The following SLC25A37 variants were observed in gnomAD, a reference collection of about 807,000 sequenced individuals.
The protein encoded by SLC25A37 is mitoferrin-1.
In SLC25A37, 17 loss-of-function variants were observed where a neutral mutation model predicts 31.0. That is an observed-to-expected ratio of 0.55 (90% confidence interval 0.38 to 0.82). The LOEUF is 0.82. Ranked by LOEUF, SLC25A37 falls within the 40% of genes least tolerant of loss-of-function variation. SLC25A37 has a pLI of 0.00. For missense variants in SLC25A37, 404 were observed against 465.8 expected (o/e 0.87, Z 1.22); for synonymous variants, 222 against 193.0 (o/e 1.15, Z -1.24).
Position 23,541,163 on chromosome 8 carries a change from A to G in SLC25A37, c.210+11951A>G, listed in dbSNP as rs886568201. On this transcript the variant is annotated intron_variant, in intron 1 of 3. Transcript: ENST00000519973. ...CTCACAGCATGCTCATTTCGTGGTAATGTAGACAGGGGATAGTAGTGGCTG... is the reference window on the plus strand; with the variant it reads ...CTCACAGCATGCTCATTTCGTGGTAGTGTAGACAGGGGATAGTAGTGGCTG... 4.6e-5 allele frequency among the ~76,000 whole-genome samples: 7 copies of G among 152,144 alleles called. No individual in the cohort carries two copies. In the South Asian group the frequency reaches 1.4e-3, roughly 31 times the overall value.
chr8:23,564,773 G>A (rs535832340), intron 1 of SLC25A37, among the ~76,000 whole-genome samples: 9 of 152,198 alleles, frequency 5.9e-5, no homozygotes, highest in African/African-American at 7.2e-5. Context: ...ATCTATATCC[G>A]GCTACATAGA....
At chr8:23,553,442 C>CA (rs55996201) in intron 1 of SLC25A37, among the ~76,000 whole-genome samples, 106 of 150,042 alleles carry the variant, frequency 7.1e-4, no homozygotes, top group East Asian at 1.2e-3. Context: ...AAACAAAAAA[C>CA]AAAAAAAAAA....
At chr8:23,539,876 C>G (rs1332315940) in intron 1 of SLC25A37, among the ~76,000 whole-genome samples, 1 of 152,254 alleles carries the variant, frequency 6.6e-6, no homozygotes, top group Non-Finnish European at 1.5e-5. Context: ...CCTGAAACCT[C>G]TCTTTGCCTT....
intron 1 of SLC25A37, among the ~76,000 whole-genome samples, chr8:23,546,050 A>T (rs1802027991): frequency 6.6e-6 from 1 of 151,850 alleles, no homozygotes; most frequent in African/African-American, 2.4e-5. Flanking sequence ...CGGGAGAATC[A>T]CTTGAACCCG....
At chr8:23,566,689 G>A in intron 2 of SLC25A37, 2 of 999,658 alleles carry the variant, frequency 2.0e-6, no homozygotes, top group Non-Finnish European at 1.2e-6. Context: ...ACCCTGAATA[G>A]AAACAAAACT....
chr8:23,539,363 C>T (rs1487367419), intron 1 of SLC25A37, among the ~76,000 whole-genome samples: 1 of 152,148 alleles, frequency 6.6e-6, no homozygotes, highest in African/African-American at 2.4e-5. Flanking sequence ...ACCTTGAGTT[C>T]TGGCTGGCCA....
At chr8:23,543,944 T>C (rs1801969180) in intron 1 of SLC25A37, among the ~76,000 whole-genome samples, 1 of 151,954 alleles carries the variant, frequency 6.6e-6, no homozygotes, top group Non-Finnish European at 1.5e-5. Flanking sequence ...CACCGCAACC[T>C]CTGCCTACCG....
At chr8:23,546,043 G>A (rs1585181540) in intron 1 of SLC25A37, among the ~76,000 whole-genome samples, 1 of 152,002 alleles carries the variant, frequency 6.6e-6, no homozygotes, top group East Asian at 1.9e-4. Context: ...GCTGAGGCGG[G>A]AGAATCACTT....
Position 23,559,808 on chromosome 8 carries a change from T to C in SLC25A37, c.211-6300T>C, listed in dbSNP as rs143143733. On this transcript the variant is annotated intron_variant, in intron 1 of 3. Coordinates refer to ENST00000519973, the MANE Select transcript of SLC25A37 (RefSeq NM_016612.4). ...GCATGCTGTTGTCAAGAACTATCTA[T>C]GTTGTAGCCTGTGTCAGAATTTTCT... Among the ~76,000 whole-genome samples, 6 of 152,340 alleles carry C rather than the reference T, an allele frequency of 3.9e-5. No homozygotes were observed. The East Asian group carries it at 1.2e-3, about 29-fold the overall frequency.
At chr8:23,566,372 C>A in intron 2 of SLC25A37, 36 bp downstream of exon 2, 1 of 1,587,242 alleles carries the variant, frequency 6.3e-7, no homozygotes, top group South Asian at 1.2e-5. Context: ...TTAGAAAGTT[C>A]TCTTCTTCAA....
At chr8:23,533,958 GT>G (rs1801713292) in intron 1 of SLC25A37, among the ~76,000 whole-genome samples, 1 of 140,112 alleles carries the variant, frequency 7.1e-6, no homozygotes, top group African/African-American at 2.7e-5. Flanking sequence ...CTTTTTTTTT[GT>G]TTTTTTGAGA....
Position 23,572,011 on chromosome 8 carries a change from G to GTCCC in SLC25A37, c.*156_*157insTCCC. On this transcript the variant is annotated 3_prime_UTR_variant, in exon 4 of 4. Coordinates refer to ENST00000519973, the MANE Select transcript of SLC25A37 (RefSeq NM_016612.4). Reference sequence around the variant, plus strand: ...AGAGAGAGGAGGGGACGGCACGGCCGCTCACCGGAAGGCTGTGTGCGGGGA... The same window carrying GTCCC: ...AGAGAGAGGAGGGGACGGCACGGCCGTCCCCTCACCGGAAGGCTGTGTGCGGGGA... 2 of 816,602 alleles carry GTCCC rather than the reference G, an allele frequency of 2.4e-6. No homozygotes were observed. Among genetic ancestry groups the GTCCC allele is most frequent in the East Asian group, 2.7e-5 (1 of 37,078 alleles). 50.6% of individuals were successfully genotyped at this position (816,602 alleles called of 1,614,324 possible). A position where few individuals can be genotyped will look rare whatever the true frequency, so the allele number is the denominator to read the frequency against.
intron 1 of SLC25A37, among the ~76,000 whole-genome samples, chr8:23,550,774 A>G (rs1055494834): frequency 1.3e-5 from 2 of 152,220 alleles, no homozygotes; most frequent in Non-Finnish European, 2.9e-5. Flanking sequence ...GTCTAGTGAG[A>G]CACACTTGGT....
chr8:23,552,489 A>G (rs1319448372), intron 1 of SLC25A37, among the ~76,000 whole-genome samples: 1 of 152,118 alleles, frequency 6.6e-6, no homozygotes, highest in East Asian at 1.9e-4. Flanking sequence ...AGCTCTCTAT[A>G]TAATGGTTGA....
chr8:23,570,884 C>G (rs919385640), intron 3 of SLC25A37, among the ~76,000 whole-genome samples: 55 of 152,150 alleles, frequency 3.6e-4, no homozygotes, highest in African/African-American at 1.3e-3. Flanking sequence ...GCACAAACCC[C>G]TGAGAATACA....
intron 1 of SLC25A37, among the ~76,000 whole-genome samples, chr8:23,547,924 G>A (rs568862359): frequency 4.6e-4 from 70 of 152,134 alleles, no homozygotes; most frequent in Non-Finnish European, 1.0e-4. Flanking sequence ...ACTCCTTCCT[G>A]CCAGAACCTT....
chr8:23,567,359 T>C (rs1802691918), intron 2 of SLC25A37: 1 of 152,232 alleles, frequency 6.6e-6, no homozygotes, highest in African/African-American at 2.4e-5. Context: ...AGCTATGCCC[T>C]GACCTACCCC....
At chr8:23,566,645 AT>A in intron 2 of SLC25A37, 1 of 1,101,122 alleles carries the variant, frequency 9.1e-7, no homozygotes, top group Non-Finnish European at 1.1e-6. Flanking sequence ...GTTTTTAAAC[AT>A]TCAAAAGCAA....
chr8:23,536,871 T>C (rs1489650329), intron 1 of SLC25A37, among the ~76,000 whole-genome samples: 3 of 152,186 alleles, frequency 2.0e-5, no homozygotes, highest in Non-Finnish European at 4.4e-5. Context: ...GGATGTCTCC[T>C]CTTCCTTGAG....
Sources: gnomAD v4.1 joint callset for allele counts (sites outside exome capture counted in the v4.1 genomes callset) on GRCh38, gnomAD v4.1.1 for gene constraint, MANE v1.5 for transcripts, NCBI Gene and HGNC (gene_info 2026-07-23, HGNC 2026-07-21) for gene names.